BPI: variants seen among roughly 807,000 people sequenced by gnomAD.
BPI encodes bactericidal permeability increasing protein, also known as bactericidal permeability-increasing protein.
Under a neutral mutation model 57.6 loss-of-function variants are expected in BPI, and 48 were observed. The observed-to-expected ratio is 0.83, with a 90% CI of 0.66 to 1.06. The LOEUF (loss-of-function observed/expected upper bound fraction) is 1.06, where lower values mean the gene tolerates loss of function less well. Among genes scored for constraint, BPI ranks in the 50% least tolerant of loss-of-function variants. The pLI is 0.00. For synonymous variants in BPI, 237 were observed against 238.2 expected, an observed-to-expected ratio of 0.99 and a Z score of 0.05; for missense variants, 651 against 609.7, an observed-to-expected ratio of 1.07 and a Z score of -0.71.
chr20:38,323,479 T>C (rs1384473150), intron 7 of BPI, among the ~76,000 whole-genome samples: 2 of 152,194 alleles, frequency 1.3e-5, no homozygotes, highest in Non-Finnish European at 2.9e-5. Flanking sequence ...TCACTGTTCT[T>C]TTCGTAGGGT....
At chr20:38,328,942 G>T (rs993312151) in intron 11 of BPI, among the ~76,000 whole-genome samples, 1 of 152,088 alleles carries the variant, frequency 6.6e-6, no homozygotes. Flanking sequence ...GCAGGTCAAG[G>T]CTGCAGTGAG....
intron 3 of BPI, among the ~76,000 whole-genome samples, chr20:38,310,119 A>G (rs1402315829): frequency 6.6e-6 from 1 of 152,222 alleles, no homozygotes; most frequent in African/African-American, 2.4e-5. Context: ...ATTGGCCCCA[A>G]ACACCCAGCT....
intron 8 of BPI, 135 bp from the exon 9 acceptor site, chr20:38,324,639 C>A: frequency 1.4e-6 from 1 of 697,876 alleles, no homozygotes; most frequent in East Asian, 2.6e-5. Context: ...ATTTGTGGGT[C>A]AGTGCTCTGT....
intron 1 of BPI, among the ~76,000 whole-genome samples, chr20:38,307,237 A>C (rs1300287910): frequency 6.6e-6 from 1 of 152,162 alleles, no homozygotes; most frequent in Admixed American, 6.5e-5. Flanking sequence ...ATCTCACAAC[A>C]TGTGAAAATT....
At chr20:38,317,835 A>G (rs1369982639) in intron 5 of BPI, 2 of 1,503,522 alleles carry the variant, frequency 1.3e-6, no homozygotes, top group Non-Finnish European at 8.9e-7. Flanking sequence ...CCCAAGTCAG[A>G]TTTTCTCAGG....
At chr20:38,318,532 G>A in intron 6 of BPI, 56 bp downstream of exon 6, 1 of 1,578,682 alleles carries the variant, frequency 6.3e-7, no homozygotes, top group Non-Finnish European at 8.7e-7. Flanking sequence ...AGGGGGTGAG[G>A]ACGTCAGGGT....
chr20:38,335,428 T>A (rs1394411368), intron 13 of BPI, 170 bp from the exon 14 acceptor site: 1 of 629,618 alleles, frequency 1.6e-6, no homozygotes, highest in African/African-American at 1.8e-5. Flanking sequence ...AGGTGGGAGG[T>A]ACGGACTCTG....
intron 12 of BPI, among the ~76,000 whole-genome samples, chr20:38,332,350 G>A (rs919828531): frequency 3.3e-5 from 5 of 152,318 alleles, no homozygotes; most frequent in East Asian, 3.9e-4. Context: ...GTTTGTCCAC[G>A]TGAGATGCTG....
chr20:38,321,207 G>A lies in BPI; in HGVS notation c.756+933G>A, dbSNP rs577137200. Among the ~76,000 whole-genome samples, 17 of 142,056 alleles carry A rather than the reference G, an allele frequency of 1.2e-4. 1 individual carries two copies. The South Asian group carries it at 2.1e-3, about 18-fold the overall frequency. The allele number at this position is 142,056 out of a possible 152,430, so 93.2% of individuals were successfully genotyped here. A position where few individuals can be genotyped will look rare whatever the true frequency, so the allele number is the denominator to read the frequency against. ...TGGATACATGGATAGATGGGTAGGC[G>A]GATGAGTGGGTGGATGAATGGATGG... On this transcript the variant is annotated intron_variant, in intron 7 of 14. Transcript: ENST00000642449.
chr20:38,310,378 C>T lies in BPI; in HGVS notation c.375-113C>T. On this transcript the variant is annotated intron_variant, in intron 3 of 14. Transcript: ENST00000642449. ...AGCTGCCTCTTCTCTCTGAACGTAC[C>T]TCCTCACCTGGAGTGGGGATAATAA... 8 of 1,286,408 alleles carry T rather than the reference C, an allele frequency of 6.2e-6. No individual in the cohort carries two copies. In the South Asian group the frequency reaches 1.1e-4, roughly 18 times the overall value. 79.7% of individuals were successfully genotyped at this position (1,286,408 alleles called of 1,614,324 possible).
intron 3 of BPI, among the ~76,000 whole-genome samples, chr20:38,309,808 A>C (rs1021746540): frequency 6.6e-6 from 1 of 152,180 alleles, no homozygotes; most frequent in Non-Finnish European, 1.5e-5. Context: ...CAGACTGACC[A>C]TCGCTTTAGG....
At chr20:38,332,320 G>T (rs570194839) in intron 12 of BPI, among the ~76,000 whole-genome samples, 5 of 152,242 alleles carry the variant, frequency 3.3e-5, no homozygotes, top group Admixed American at 2.6e-4. Context: ...CAGACAAGGG[G>T]TCATTGAGGA....
At chr20:38,307,440 G>A in intron 1 of BPI, 127 bp from the exon 2 acceptor site, 1 of 651,312 alleles carries the variant, frequency 1.5e-6, no homozygotes, top group South Asian at 2.2e-5. Flanking sequence ...ATTGATCCCT[G>A]TTTTTGACCC....
chr20:38,324,616 T>G (rs1328117860), intron 8 of BPI, among the ~76,000 whole-genome samples, 158 bp from the exon 9 acceptor site: 1 of 152,202 alleles, frequency 6.6e-6, no homozygotes, highest in Admixed American at 6.5e-5. Flanking sequence ...GCTTCCAGGC[T>G]GGTTGCTGCA....
Position 38,310,668 on chromosome 20 carries a change from A to T in BPI, c.536+16A>T. On this transcript the variant is annotated intron_variant, in intron 4 of 14. Transcript: ENST00000642449. ...GCAAAGTGGGGTATGGACTCCCGGGACTGTGGCTGGGAGGAGGGACTTAAA... is the reference window on the plus strand; with the variant it reads ...GCAAAGTGGGGTATGGACTCCCGGGTCTGTGGCTGGGAGGAGGGACTTAAA... The T allele has an allele frequency of 6.2e-7, 1 of 1,600,508 alleles. No homozygotes were observed. Among genetic ancestry groups the T allele is most frequent in the Admixed American group, 1.7e-5 (1 of 59,494 alleles).
chr20:38,326,452 G>T lies in BPI; in HGVS notation c.1161+20G>T. The stretch of plus-strand genomic sequence containing the variant: ...GGCATGGTAAGCAGTTCCTGGGTTG[G>T]ACAGATGAGGAGCCCCAGACAGTCC... On this transcript the variant is annotated intron_variant, in intron 10 of 14. Transcript: ENST00000642449. The T allele has an allele frequency of 6.2e-7, 1 of 1,604,674 alleles. No homozygotes were observed. Among genetic ancestry groups the T allele is most frequent in the Non-Finnish European group, 8.5e-7 (1 of 1,175,404 alleles).
intron 9 of BPI, among the ~76,000 whole-genome samples, chr20:38,325,751 G>C (rs951191393): frequency 6.6e-6 from 1 of 152,102 alleles, no homozygotes; most frequent in African/African-American, 2.4e-5. Flanking sequence ...GCTGCTAGGG[G>C]TGTCCAGGAG....
chr20:38,315,394 A>T (rs78481507), intron 5 of BPI, among the ~76,000 whole-genome samples: 9,040 of 152,242 alleles, frequency 0.059, 292 homozygotes, highest in South Asian at 0.11. Flanking sequence ...GGAATACAGC[A>T]TGTAGGGCTG....
At chr20:38,324,130 T>C in intron 8 of BPI, 84 bp downstream of exon 8, 3 of 1,475,620 alleles carry the variant, frequency 2.0e-6, no homozygotes, top group Non-Finnish European at 2.7e-6. Context: ...GAAAAAGCTT[T>C]TCTCACATTG....
Sources: gnomAD v4.1 joint callset for allele counts (sites outside exome capture counted in the v4.1 genomes callset) on GRCh38, gnomAD v4.1.1 for gene constraint, MANE v1.5 for transcripts, NCBI Gene and HGNC (gene_info 2026-07-23, HGNC 2026-07-21) for gene names.